Variants in LDB2 observed in about 807,000 individuals in gnomAD.
LDB2 encodes LIM domain-binding protein 2.
A neutral mutation model predicts 44.3 loss-of-function variants in LDB2; 12 were observed. The ratio of observed to expected loss-of-function variants is 0.27; its 90% confidence interval spans 0.17 to 0.44. LDB2 has a LOEUF of 0.44. Ranked by LOEUF, LDB2 falls within the 20% of genes least tolerant of loss-of-function variation. The pLI, the probability that LDB2 is intolerant of heterozygous loss-of-function variation, is 1.00. For synonymous variants in LDB2, 164 were observed against 174.8 expected (o/e 0.94, Z 0.49); for missense variants, 344 against 473.5 (o/e 0.73, Z 2.54).
chr4:16,868,077 C>T (rs1715289629), intron 1 of LDB2, among the ~76,000 whole-genome samples: 1 of 152,176 alleles, frequency 6.6e-6, no homozygotes. Context: ...TTCTTTTAAT[C>T]ACATTAGACT....
chr4:16,753,324 T>G (rs28581499), intron 2 of LDB2, among the ~76,000 whole-genome samples: 3,810 of 152,270 alleles, frequency 0.025, 107 homozygotes, highest in African/African-American at 0.07. Context: ...AAACCGGAGA[T>G]AGTGAACCTA....
chr4:16,817,096 C>CA (rs1781090409), intron 1 of LDB2, among the ~76,000 whole-genome samples: 1 of 152,148 alleles, frequency 6.6e-6, no homozygotes, highest in African/African-American at 2.4e-5. Context: ...TTTTTGAGCA[C>CA]AATACCAGGC....
chr4:16,888,083 C>T (rs866489674), intron 1 of LDB2, among the ~76,000 whole-genome samples: 4 of 152,202 alleles, frequency 2.6e-5, no homozygotes, highest in African/African-American at 9.6e-5. Flanking sequence ...AGTCCAGACA[C>T]GCAGGTGGTG....
chr4:16,848,088 T>C (rs1470577760), intron 1 of LDB2, among the ~76,000 whole-genome samples: 3 of 152,244 alleles, frequency 2.0e-5, no homozygotes, highest in Non-Finnish European at 4.4e-5. Context: ...CTGAAAGGTA[T>C]TTATTTTTGA....
At chr4:16,581,437 A>T (rs901509296) in intron 5 of LDB2, 50 of 985,144 alleles carry the variant, frequency 5.1e-5, no homozygotes, top group Non-Finnish European at 5.8e-5. Context: ...GAAAAAAAAA[A>T]TCTTTTGAAT....
chr4:16,728,537 A>G (rs964777900), intron 2 of LDB2, among the ~76,000 whole-genome samples: 1 of 152,230 alleles, frequency 6.6e-6, no homozygotes, highest in African/African-American at 2.4e-5. Flanking sequence ...TTTTGCTTAT[A>G]TAAACATATT....
intron 5 of LDB2, among the ~76,000 whole-genome samples, chr4:16,574,436 TCTC>T (rs1336937510): frequency 2.0e-5 from 3 of 152,162 alleles, no homozygotes; most frequent in African/African-American, 7.2e-5. Flanking sequence ...AGTCACTCCT[TCTC>T]TTCTTTCTGA....
rs983383485 is a variant in LDB2, at chr4:16,819,552, T to C, written c.133-60292A>G. ...TGTATTCATTTCAAGCAGTATTTTT[T>C]TTTTAATGAAATTGTACTCTCTAAA... On this transcript the variant is annotated intron_variant, in intron 1 of 7. Transcript: ENST00000304523. Among the ~76,000 whole-genome samples the C allele has an allele frequency of 1.5e-4, 23 of 151,998 alleles. 1 individual carries two copies. The highest frequency in any genetic ancestry group is 1.4e-3 in the Admixed American group (22 of 15,242).
intron 5 of LDB2, among the ~76,000 whole-genome samples, chr4:16,557,372 TC>T (rs1454379815): frequency 6.6e-6 from 1 of 152,216 alleles, no homozygotes; most frequent in Non-Finnish European, 1.5e-5. Flanking sequence ...ACTGCACTTT[TC>T]CGACGGGCTT....
chr4:16,842,864 C>G (rs1786150000), intron 1 of LDB2, among the ~76,000 whole-genome samples: 1 of 152,160 alleles, frequency 6.6e-6, no homozygotes, highest in Admixed American at 6.5e-5. Flanking sequence ...ATTTTCCTGA[C>G]TTGTGATATA....
intron 1 of LDB2, chr4:16,888,590 A>G (rs1209107318): frequency 7.5e-6 from 3 of 400,916 alleles, no homozygotes; most frequent in Non-Finnish European, 1.0e-5. Context: ...TTTGTTTATT[A>G]AATTGAAATA....
At chr4:16,744,903 T>C (rs550605969) in intron 2 of LDB2, among the ~76,000 whole-genome samples, 5 of 152,322 alleles carry the variant, frequency 3.3e-5, no homozygotes, top group East Asian at 3.9e-4. Context: ...TACATATAAA[T>C]ACAGATTATA....
chr4:16,714,276 T>TA (rs1756557545), intron 2 of LDB2, among the ~76,000 whole-genome samples: 1 of 152,238 alleles, frequency 6.6e-6, no homozygotes, highest in African/African-American at 2.4e-5. Context: ...GCAAGAATTT[T>TA]ACTTGTTCAA....
At chr4:16,584,001 C>T (rs537491940) in intron 5 of LDB2, among the ~76,000 whole-genome samples, 1 of 152,254 alleles carries the variant, frequency 6.6e-6, no homozygotes, top group South Asian at 2.1e-4. Flanking sequence ...GGAACGAAGG[C>T]AGGGAAGGTA....
At chr4:16,839,624 C>T (rs992596563) in intron 1 of LDB2, among the ~76,000 whole-genome samples, 6 of 152,122 alleles carry the variant, frequency 3.9e-5, no homozygotes, top group Non-Finnish European at 8.8e-5. Flanking sequence ...GTTAAGTAAT[C>T]TGTCAAGAGT....
chr4:16,598,932 T>C (rs1480349018), intron 2 of LDB2, among the ~76,000 whole-genome samples: 1 of 151,712 alleles, frequency 6.6e-6, no homozygotes, highest in Non-Finnish European at 1.5e-5. Flanking sequence ...TTTCTGTCAT[T>C]TGCAAATAGA....
At chr4:16,571,384 G>T (rs963905970) in intron 5 of LDB2, among the ~76,000 whole-genome samples, 28 of 151,948 alleles carry the variant, frequency 1.8e-4, no homozygotes, top group African/African-American at 6.3e-4. Flanking sequence ...GAGGGTTTTT[G>T]ATCCCATTAT....
chr4:16,875,331 A>G (rs1718038982), intron 1 of LDB2, among the ~76,000 whole-genome samples: 1 of 152,224 alleles, frequency 6.6e-6, no homozygotes, highest in Non-Finnish European at 1.5e-5. Context: ...TTAATTTATC[A>G]ATTGAAAAAT....
intron 1 of LDB2, among the ~76,000 whole-genome samples, chr4:16,871,898 A>G (rs868216326): frequency 6.6e-6 from 1 of 152,184 alleles, no homozygotes; most frequent in Non-Finnish European, 1.5e-5. Flanking sequence ...CTGGGATTAC[A>G]GGTGTGAGCT....
Sources: gnomAD v4.1 joint callset for allele counts (sites outside exome capture counted in the v4.1 genomes callset) on GRCh38, gnomAD v4.1.1 for gene constraint, MANE v1.5 for transcripts, NCBI Gene and HGNC (gene_info 2026-07-23, HGNC 2026-07-21) for gene names.